Variants in SLC9D1 observed in about 807,000 individuals in gnomAD.
SLC9D1 encodes putative LAG1-interacting protein.
the SLC9D1 span, chr13:113,548,603 T>C: frequency 2.5e-6 from 2 of 800,634 alleles, no homozygotes; most frequent in African/African-American, 3.5e-5. Flanking sequence ...GGCTGCTCTC[T>C]GCTCATCCAG....
At chr13:113,523,984 A>G in the SLC9D1 span, 1 of 387,928 alleles carries the variant, frequency 2.6e-6, no homozygotes, top group South Asian at 1.9e-5. Context: ...AACATTTTGT[A>G]TGATTTCAGT....
the SLC9D1 span, chr13:113,498,317 C>T: frequency 1.3e-6 from 2 of 1,485,254 alleles, no homozygotes; most frequent in Admixed American, 5.2e-5. Context: ...ATATATCTCA[C>T]TCTTCTTTTC....
At chr13:113,548,504 T>C in the SLC9D1 span, 2 of 1,557,924 alleles carry the variant, frequency 1.3e-6, no homozygotes, top group Non-Finnish European at 8.7e-7. Context: ...GGCTGCACTC[T>C]GGGTTTGAGT....
the SLC9D1 span, among the ~76,000 whole-genome samples, chr13:113,517,475 G>C: frequency 6.6e-6 from 1 of 152,076 alleles, no homozygotes; most frequent in Non-Finnish European, 1.5e-5. Context: ...TGATCCGCCC[G>C]CCTTGGCCTC....
chr13:113,518,772 A>G, the SLC9D1 span, among the ~76,000 whole-genome samples: 10 of 152,220 alleles, frequency 6.6e-5, no homozygotes, highest in Non-Finnish European at 1.5e-4. Context: ...CATCTCCTGA[A>G]TCGTGTAACC....
chr13:113,536,912 A>G, the SLC9D1 span, among the ~76,000 whole-genome samples: 1 of 152,310 alleles, frequency 6.6e-6, no homozygotes, highest in Admixed American at 6.5e-5. Flanking sequence ...TCGCCATGCC[A>G]GCCCGTCCTG....
chr13:113,543,163 T>TC, the SLC9D1 span, among the ~76,000 whole-genome samples: 2 of 44,240 alleles, frequency 4.5e-5, no homozygotes, highest in African/African-American at 2.8e-4. Context: ...CCGCCCTACC[T>TC]CTGTCCGGAC....
At chr13:113,532,735 C>T in the SLC9D1 span, among the ~76,000 whole-genome samples, 6 of 152,182 alleles carry the variant, frequency 3.9e-5, no homozygotes, top group East Asian at 3.9e-4. Context: ...CTCTGAGTCG[C>T]GGACTTGGGC....
the SLC9D1 span, chr13:113,500,036 G>A: frequency 1.9e-6 from 3 of 1,593,160 alleles, no homozygotes; most frequent in Admixed American, 3.5e-5. Context: ...AACAAAACGA[G>A]AAGTGGAGGA....
At chr13:113,525,874 C>G in the SLC9D1 span, among the ~76,000 whole-genome samples, 4 of 145,520 alleles carry the variant, frequency 2.7e-5, no homozygotes, top group East Asian at 2.1e-4. Context: ...TCGTAGGAGA[C>G]GACAGCTCTG....
the SLC9D1 span, chr13:113,547,278 G>T: frequency 2.5e-6 from 4 of 1,600,914 alleles, no homozygotes; most frequent in Non-Finnish European, 3.4e-6. Context: ...CGGTCGTAAC[G>T]TGTCTGTCCT....
chr13:113,495,230 C>T, the SLC9D1 span, among the ~76,000 whole-genome samples: 6 of 152,208 alleles, frequency 3.9e-5, no homozygotes, highest in South Asian at 4.1e-4. Context: ...GAGGCTGCGT[C>T]GCCCCCCAAA....
At chr13:113,526,734 G>A in the SLC9D1 span, among the ~76,000 whole-genome samples, 1 of 152,196 alleles carries the variant, frequency 6.6e-6, no homozygotes, top group East Asian at 1.9e-4. Context: ...AGTGTAGCCT[G>A]AGTGTACAGC....
the SLC9D1 span, among the ~76,000 whole-genome samples, chr13:113,519,044 CTTT>C: frequency 2.2e-5 from 3 of 135,660 alleles, no homozygotes. Flanking sequence ...ATAACAGTAG[CTTT>C]TTTTTTTTTT....
chr13:113,511,122 C>T, the SLC9D1 span, among the ~76,000 whole-genome samples: 1 of 152,112 alleles, frequency 6.6e-6, no homozygotes, highest in African/African-American at 2.4e-5. Flanking sequence ...CACTCGGAAA[C>T]CTAGGCAGGA....
At chr13:113,517,986 A>C in the SLC9D1 span, among the ~76,000 whole-genome samples, 1 of 152,196 alleles carries the variant, frequency 6.6e-6, no homozygotes, top group Non-Finnish European at 1.5e-5. Flanking sequence ...AATTTAGCAA[A>C]TTCCTTAGTG....
the SLC9D1 span, among the ~76,000 whole-genome samples, chr13:113,500,868 T>C: frequency 5.3e-5 from 8 of 152,010 alleles, no homozygotes; most frequent in East Asian, 1.5e-3. Context: ...CACGATGGAG[T>C]GGGTCCCAGG....
chr13:113,530,583 A>G, the SLC9D1 span: 1 of 152,186 alleles, frequency 6.6e-6, no homozygotes, highest in East Asian at 1.9e-4. Flanking sequence ...GGGAAAATTT[A>G]TATTTAAAAT....
chr13:113,514,322 A>G, the SLC9D1 span: 1 of 152,252 alleles, frequency 6.6e-6, no homozygotes, highest in Non-Finnish European at 1.5e-5. Context: ...TTCAGAATGT[A>G]TCAAGAACGT....
Sources: gnomAD v4.1 joint callset for allele counts (sites outside exome capture counted in the v4.1 genomes callset) on GRCh38, gnomAD v4.1.1 for gene constraint, MANE v1.5 for transcripts, NCBI Gene and HGNC (gene_info 2026-07-23, HGNC 2026-07-21) for gene names.